ETV3L: variants seen among roughly 807,000 people sequenced by gnomAD.
ETV3L encodes the protein ETS variant transcription factor 3 like.
Under a neutral mutation model 27.6 loss-of-function variants are expected in ETV3L, and 30 were observed. That is an observed-to-expected ratio of 1.09 (90% CI 0.81 to 1.48). The LOEUF (loss-of-function observed/expected upper bound fraction) is 1.48. ETV3L is among the 40% of genes most tolerant of loss of function. The probability of loss-of-function intolerance (pLI) is 0.00; values close to 1 mark genes in which losing one functional copy is unlikely to be tolerated. For synonymous variants in ETV3L, 186 were observed against 188.9 expected (o/e 0.98, Z 0.12); for missense variants, 443 against 455.6 (o/e 0.97, Z 0.25).
chr1:157,093,283 A>C (rs937409978), intron 4 of ETV3L, among the ~76,000 whole-genome samples, 156 bp from the exon 5 acceptor site: 2 of 150,784 alleles, frequency 1.3e-5, no homozygotes, highest in African/African-American at 4.9e-5. Context: ...TTTGAGAGAG[A>C]GTCTCTCTCT....
At chr1:157,098,044 C>T in intron 3 of ETV3L, 56 bp from the exon 4 acceptor site, 7 of 1,529,864 alleles carry the variant, frequency 4.6e-6, no homozygotes, top group Non-Finnish European at 6.2e-6. Context: ...CATGTATCCT[C>T]CAGTACAATC....
chr1:157,098,545 G>A (rs1674276962), intron 3 of ETV3L, among the ~76,000 whole-genome samples, 161 bp downstream of exon 3: 1 of 152,124 alleles, frequency 6.6e-6, no homozygotes, highest in Admixed American at 6.5e-5. Flanking sequence ...CACCTGGATT[G>A]TTAATACCCC....
At chr1:157,097,469 T>TAAAA (rs1674250956) in intron 4 of ETV3L, among the ~76,000 whole-genome samples, 1 of 12,004 alleles carries the variant, frequency 8.3e-5, no homozygotes, top group African/African-American at 3.2e-4. Flanking sequence ...AGACTCCGTC[T>TAAAA]CAAAAAAAAA....
At chr1:157,096,536 A>G (rs1674223741) in intron 4 of ETV3L, among the ~76,000 whole-genome samples, 1 of 152,126 alleles carries the variant, frequency 6.6e-6, no homozygotes, top group Non-Finnish European at 1.5e-5. Flanking sequence ...CCGCCCCATC[A>G]TCTCCTGCCT....
rs753262856 is a variant in ETV3L at position 157,098,910 on chromosome 1, G to C, written c.297-15C>G. On this transcript the variant is annotated splice_polypyrimidine_tract_variant and intron_variant, in intron 2 of 4. Transcript: ENST00000454449. ...TGTAGTAATATCTGGAGAATTCGAA[G>C]TTGAGAATAGAGTTGGCCCAGCAGT... 1 of 1,602,056 alleles carries C rather than the reference G, an allele frequency of 6.2e-7. No individual in the cohort carries two copies. The highest frequency in any genetic ancestry group is 2.2e-5 in the East Asian group (1 of 44,740).
chr1:157,096,800 T>C (rs936799609), intron 4 of ETV3L, among the ~76,000 whole-genome samples: 1 of 152,198 alleles, frequency 6.6e-6, no homozygotes, highest in Non-Finnish European at 1.5e-5. Flanking sequence ...ATGCCTGTAA[T>C]CCCAGTTACT....
intron 4 of ETV3L, among the ~76,000 whole-genome samples, chr1:157,096,516 G>T (rs1002911145): frequency 6.6e-6 from 1 of 152,162 alleles, no homozygotes; most frequent in Non-Finnish European, 1.5e-5. Flanking sequence ...CATGGCCGTT[G>T]TCTTGGTTAC....
intron 4 of ETV3L, among the ~76,000 whole-genome samples, chr1:157,096,080 A>G (rs1674212326): frequency 6.6e-6 from 1 of 151,954 alleles, no homozygotes; most frequent in Non-Finnish European, 1.5e-5. Flanking sequence ...GGGCCATTGC[A>G]TGCACTATTC....
In ETV3L at chr1:157,099,604, AG is replaced by A; in HGVS notation, c.-82del. On this transcript the variant is annotated 5_prime_UTR_variant, in exon 1 of 5. It removes the in-frame stop codon of an upstream open reading frame in the 5' UTR. Coordinates refer to ENST00000454449, the MANE Select transcript of ETV3L (RefSeq NM_001004341.2). ...AAGAGGAAGGGAAGGAAGGAGGCAG[AG>A]GGGAGGACAGTGAAAGAGGAAGGAA... 1 of 1,191,720 alleles carries A rather than the reference AG, an allele frequency of 8.4e-7. No individual in the cohort carries two copies. Among genetic ancestry groups the A allele is most frequent in the South Asian group, 1.3e-5 (1 of 76,366 alleles). 73.8% of individuals were successfully genotyped at this position (1,191,720 alleles called of 1,614,324 possible).
chr1:157,093,364 G>A (rs1674160003), intron 4 of ETV3L, among the ~76,000 whole-genome samples: 1 of 152,148 alleles, frequency 6.6e-6, no homozygotes, highest in South Asian at 2.1e-4. Flanking sequence ...AGCTTGCTGA[G>A]TAGCTGGGAC....
rs760681245 is a variant in ETV3L, at chr1:157,098,881, T to C, written c.311A>G (p.Lys104Arg). The C allele has an allele frequency of 6.2e-7, 1 of 1,612,418 alleles. No individual in the cohort carries two copies. The highest frequency in any genetic ancestry group is 1.7e-5 in the Admixed American group (1 of 59,652). Residue 104 changes from lysine to arginine, a missense_variant, in exon 3 of 5, where the codon AAG (lysine) becomes AGG (arginine). Coordinates refer to ENST00000454449, the MANE Select transcript of ETV3L (RefSeq NM_001004341.2). ...GCCTTTGGTCTTATGCAGGATCCTC[T>C]TATTGTAGTAATATCTGGAGAATTC... ...LSRALRYYYN[K>R]RILHKTKGKR...
intron 1 of ETV3L, 26 bp downstream of exon 1, chr1:157,099,440 G>C (rs759146244): frequency 2.3e-5 from 37 of 1,613,940 alleles, no homozygotes; most frequent in Admixed American, 5.0e-5. Context: ...GTTGGAGCAG[G>C]GGGTAGGCCC....
chr1:157,099,380 T>G lies in ETV3L; in HGVS notation c.59-2A>C. 6.2e-7 allele frequency: 1 copy of G among 1,614,108 alleles called. No homozygotes were observed. On this transcript the variant is annotated splice_acceptor_variant, in intron 1 of 4. Coordinates refer to ENST00000454449, the MANE Select transcript of ETV3L (RefSeq NM_001004341.2). LOFTEE classifies it high-confidence loss of function. ...AGGCCCAATCAGGGAAGGCCAACCC[T>G]GGGTGGAGAGGGGAGAGTGAGGGCT...
Position 157,098,773 on chromosome 1 carries a change from G to A in ETV3L, c.419C>T (p.Pro140Leu), listed in dbSNP as rs759556960. Residue 140 changes from proline to leucine, a missense_variant, in exon 3 of 5, where the codon CCC becomes CTC. Pro to Leu is a moderately conservative substitution (Grantham distance 98, BLOSUM62 -3). Transcript: ENST00000454449. ...GGCAGGGGCCCCCAGCAGCAAGTGGGGGGATGGCGGCGCCCGCACTTCCCA... is the reference window on the plus strand; with the variant it reads ...GGCAGGGGCCCCCAGCAGCAAGTGGAGGGATGGCGGCGCCCGCACTTCCCA... ...PLWEVRAPPS[P>L]HLLLGAPALC... 8 of 1,613,832 alleles carry A rather than the reference G, an allele frequency of 5.0e-6. No homozygotes were observed. Among genetic ancestry groups the A allele is most frequent in the Non-Finnish European group, 6.8e-6 (8 of 1,179,954 alleles).
chr1:157,099,655 G>T lies in ETV3L; in HGVS notation c.-132C>A. On this transcript the variant is annotated 5_prime_UTR_variant, in exon 1 of 5. Coordinates refer to ENST00000454449, the MANE Select transcript of ETV3L (RefSeq NM_001004341.2). ...AAAATGGAGGGAAAGAAGGAAGGAA[G>T]GGAGAGGGTCAGGAAAGAAAGAGAG... The T allele has an allele frequency of 1.4e-6, 1 of 734,652 alleles. No individual in the cohort carries two copies. Among genetic ancestry groups the T allele is most frequent in the South Asian group, 1.7e-5 (1 of 59,034 alleles). The allele number at this position is 734,652 out of a possible 1,614,324, so 45.5% of individuals were successfully genotyped here.
intron 4 of ETV3L, among the ~76,000 whole-genome samples, chr1:157,093,379 G>A (rs1177849): frequency 0.47 from 71,738 of 151,978 alleles, 18,494 homozygotes; most frequent in Middle Eastern, 0.64. Flanking sequence ...TGGGACTACA[G>A]GTGCGTGTGC....
In ETV3L at chr1:157,092,634, C is replaced by CACCTTCCT; in HGVS notation, c.*7_*14dup. The stretch of plus-strand genomic sequence containing the variant: ...TTTGGAGGACTCCTCCCCAACTTCC[C>CACCTTCCT]ACCTTCCTCTCTAGTTAAGGAGGAT... On this transcript the variant is annotated 3_prime_UTR_variant, in exon 5 of 5. Coordinates refer to ENST00000454449, the MANE Select transcript of ETV3L (RefSeq NM_001004341.2). The CACCTTCCT allele has an allele frequency of 1.3e-6, 2 of 1,572,474 alleles. No individual in the cohort carries two copies. Among genetic ancestry groups the CACCTTCCT allele is most frequent in the Non-Finnish European group, 1.7e-6 (2 of 1,157,350 alleles).
Position 157,097,952 on chromosome 1 carries a change from C to A in ETV3L, c.523G>T (p.Val175Leu). 1 of 1,613,262 alleles carries A rather than the reference C, an allele frequency of 6.2e-7. No individual in the cohort carries two copies. The highest frequency in any genetic ancestry group is 1.1e-5 in the South Asian group (1 of 90,948). The change falls in exon 4 of 5, where the codon GTG (valine) becomes TTG (leucine). Residue 175 changes from valine (V) to leucine (L), a missense_variant. Physicochemically the swap from Val to Leu is conservative, Grantham distance 32 (BLOSUM62 1). Transcript: ENST00000454449. ...GTCTGCTGTCCTGTCAGCTGCTCCA[C>A]CATGGCCTGATGGGCAAATAGCATG... is the stretch of plus-strand genomic sequence containing the variant. ...HSMLFAHQAM[V>L]EQLTGQQTPR...
chr1:157,093,517 A>C (rs1674164590), intron 4 of ETV3L, among the ~76,000 whole-genome samples: 1 of 148,446 alleles, frequency 6.7e-6, no homozygotes, highest in Non-Finnish European at 1.5e-5. Context: ...TTTTAAACAG[A>C]GTCTTGCTCT....
Sources: allele counts gnomAD v4.1 joint callset (sites outside exome capture counted in the v4.1 genomes callset), GRCh38; gene constraint gnomAD v4.1.1; transcripts MANE v1.5; gene names NCBI Gene and HGNC (gene_info 2026-07-23, HGNC 2026-07-21).